Variants in CORIN observed in about 807,000 individuals in gnomAD.
The protein encoded by CORIN is corin, serine peptidase, also known as atrial natriuretic peptide-converting enzyme.
CORIN carries 117 observed loss-of-function variants against 125.3 expected under a neutral mutation model. That is an observed-to-expected ratio of 0.93 (90% CI 0.80 to 1.09). CORIN has a LOEUF of 1.09. Ranked by LOEUF, CORIN falls within the 50% of genes least tolerant of loss-of-function variation. The pLI is 0.00. For synonymous variants in CORIN, 450 were observed against 466.4 expected (o/e 0.96, Z 0.45); for missense variants, 1,253 against 1,306.7 (o/e 0.96, Z 0.63).
chr4:47,620,724 T>C (rs974016488), intron 19 of CORIN, among the ~76,000 whole-genome samples: 7 of 152,252 alleles, frequency 4.6e-5, no homozygotes, highest in African/African-American at 1.7e-4. Context: ...TTTCGGTGTC[T>C]TACTGGTTGA....
chr4:47,604,869 G>C (rs1461548944), intron 19 of CORIN, among the ~76,000 whole-genome samples: 1 of 152,068 alleles, frequency 6.6e-6, no homozygotes. Context: ...AAAAAAATTA[G>C]ATCAATCCAT....
chr4:47,763,257 C>A, intron 4 of CORIN, 122 bp downstream of exon 4: 2 of 689,906 alleles, frequency 2.9e-6, no homozygotes, highest in East Asian at 2.7e-5. Flanking sequence ...TTAGAACTAG[C>A]CATGACTAAT....
intron 5 of CORIN, among the ~76,000 whole-genome samples, chr4:47,738,684 C>T (rs1209948429): frequency 6.6e-6 from 1 of 152,008 alleles, no homozygotes; most frequent in Non-Finnish European, 1.5e-5. Context: ...AACATATGCC[C>T]ATATAGAGGG....
At chr4:47,706,843 G>A in intron 5 of CORIN, 8 of 1,598,484 alleles carry the variant, frequency 5.0e-6, no homozygotes, top group Non-Finnish European at 6.8e-6. Flanking sequence ...CAGTCCACAA[G>A]CACAGGGAGA....
At chr4:47,789,868 A>T (rs1730987686) in intron 2 of CORIN, among the ~76,000 whole-genome samples, 2 of 151,856 alleles carry the variant, frequency 1.3e-5, no homozygotes, top group Non-Finnish European at 2.9e-5. Flanking sequence ...AAAATACAAA[A>T]AAAATTAGCC....
intron 3 of CORIN, among the ~76,000 whole-genome samples, chr4:47,775,588 A>G (rs574603197): frequency 2.6e-4 from 39 of 152,060 alleles, no homozygotes; most frequent in Admixed American, 5.2e-4. Context: ...TGGTGTATAT[A>G]TGCCACATTT....
At chr4:47,790,140 G>T in intron 2 of CORIN, 1 of 811,644 alleles carries the variant, frequency 1.2e-6, no homozygotes, top group Non-Finnish European at 1.5e-6. Flanking sequence ...TAAAAGTACA[G>T]GTTTAAATCC....
chr4:47,832,571 A>G (rs901538841), intron 1 of CORIN, among the ~76,000 whole-genome samples: 4 of 151,130 alleles, frequency 2.6e-5, no homozygotes, highest in Non-Finnish European at 4.4e-5. Flanking sequence ...CAGCCTCCCA[A>G]GTAGCTGGGA....
chr4:47,673,965 T>C (rs908162504), intron 10 of CORIN, among the ~76,000 whole-genome samples: 7 of 151,432 alleles, frequency 4.6e-5, no homozygotes, highest in Admixed American at 3.3e-4. Flanking sequence ...AGTGAGAGTG[T>C]GTCTCAAAAA....
At chr4:47,785,717 G>GACTAACCTGACTAA (rs1730764206) in intron 3 of CORIN, among the ~76,000 whole-genome samples, 1 of 151,870 alleles carries the variant, frequency 6.6e-6, no homozygotes, top group South Asian at 2.1e-4. Context: ...TTCAAGACCA[G>GACTAACCTGACTAA]CCTGACTAAC....
At chr4:47,683,882 G>A (rs1297099422) in intron 6 of CORIN, 44 bp from the exon 7 acceptor site, 2 of 1,401,786 alleles carry the variant, frequency 1.4e-6, no homozygotes, top group Non-Finnish European at 2.0e-6. Context: ...GAGCCATACA[G>A]AATGCTATTG....
At chr4:47,654,823 G>A (rs1723894666) in intron 12 of CORIN, among the ~76,000 whole-genome samples, 1 of 152,040 alleles carries the variant, frequency 6.6e-6, no homozygotes, top group Non-Finnish European at 1.5e-5. Flanking sequence ...GCAACCTAGT[G>A]CATGCCGCAG....
At chr4:47,736,494 A>T (rs1262331611) in intron 5 of CORIN, among the ~76,000 whole-genome samples, 2 of 152,214 alleles carry the variant, frequency 1.3e-5, no homozygotes, top group African/African-American at 2.4e-5. Context: ...ATTCTTTTTT[A>T]AAGTTTTATT....
intron 2 of CORIN, among the ~76,000 whole-genome samples, chr4:47,796,630 T>C (rs766761762): frequency 1.3e-5 from 2 of 152,092 alleles, no homozygotes; most frequent in Non-Finnish European, 2.9e-5. Context: ...AGGTGATGGA[T>C]ATGTTTATTG....
At chr4:47,658,634 T>C (rs1169056155) in intron 12 of CORIN, among the ~76,000 whole-genome samples, 1 of 152,256 alleles carries the variant, frequency 6.6e-6, no homozygotes, top group Non-Finnish European at 1.5e-5. Flanking sequence ...AGTGGGGACC[T>C]GGGCCTGGCC....
At chr4:47,625,377 G>T (rs1421727720) in intron 17 of CORIN, among the ~76,000 whole-genome samples, 1 of 151,994 alleles carries the variant, frequency 6.6e-6, no homozygotes, top group Non-Finnish European at 1.5e-5. Flanking sequence ...CTTGTAGTTA[G>T]TAAACCAGGA....
chr4:47,802,646 C>T (rs185083587), intron 2 of CORIN, among the ~76,000 whole-genome samples: 1 of 152,312 alleles, frequency 6.6e-6, no homozygotes, highest in East Asian at 1.9e-4. Flanking sequence ...ATCCGTGGCT[C>T]CAAGACAGCA....
At chr4:47,626,372 G>T in intron 17 of CORIN, 33 bp downstream of exon 17, 1 of 1,247,446 alleles carries the variant, frequency 8.0e-7, no homozygotes. Flanking sequence ...TCTGTAATCT[G>T]ACTCTACACA....
intron 5 of CORIN, among the ~76,000 whole-genome samples, chr4:47,729,158 C>T (rs775598545): frequency 2.0e-5 from 3 of 152,184 alleles, no homozygotes; most frequent in Non-Finnish European, 4.4e-5. Context: ...ACAGTGGAAA[C>T]TCACAGGATG....
Sources: gnomAD v4.1 joint callset for allele counts (sites outside exome capture counted in the v4.1 genomes callset) on GRCh38, gnomAD v4.1.1 for gene constraint, MANE v1.5 for transcripts, NCBI Gene and HGNC (gene_info 2026-07-23, HGNC 2026-07-21) for gene names.